Variants in CANX observed in about 807,000 individuals in gnomAD.
CANX encodes calnexin.
A neutral mutation model predicts 75.7 loss-of-function variants in CANX; 14 were observed. That is an observed-to-expected ratio of 0.19 (90% CI 0.12 to 0.29). The LOEUF (loss-of-function observed/expected upper bound fraction) is 0.29. CANX is among the 10% of genes least tolerant of loss of function. CANX has a pLI of 1.00. For missense variants in CANX, 567 were observed against 713.2 expected, an observed-to-expected ratio of 0.79 and a Z score of 2.34; for synonymous variants, 227 against 236.9, an observed-to-expected ratio of 0.96 and a Z score of 0.38.
At chr5:179,723,363 A>T (rs909573923) in intron 11 of CANX, 2 of 424,662 alleles carry the variant, frequency 4.7e-6, no homozygotes, top group Non-Finnish European at 8.3e-6. Context: ...CCGATTTAAG[A>T]ATTGGAGAGC....
chr5:179,711,735 G>A (rs1777569283), intron 7 of CANX, among the ~76,000 whole-genome samples: 1 of 145,788 alleles, frequency 6.9e-6, no homozygotes, highest in African/African-American at 2.6e-5. Context: ...GTTGCAGTGA[G>A]CCAGATTGTG....
intron 7 of CANX, among the ~76,000 whole-genome samples, chr5:179,714,397 TACAC>T (rs1409173297): frequency 6.6e-6 from 1 of 152,250 alleles, no homozygotes; most frequent in Non-Finnish European, 1.5e-5. Flanking sequence ...AATAAAAACA[TACAC>T]AAAGAAGTCA....
intron 6 of CANX, 195 bp from the exon 7 acceptor site, chr5:179,709,678 A>G (rs2113162628): frequency 4.4e-6 from 2 of 455,426 alleles, no homozygotes; most frequent in Non-Finnish European, 7.7e-6. Flanking sequence ...TTTTTTAGAC[A>G]CTTAAACGTT....
chr5:179,700,283 C>T (rs1319823399), intron 1 of CANX: 1 of 152,076 alleles, frequency 6.6e-6, no homozygotes, highest in Non-Finnish European at 1.5e-5. Context: ...GTCTTTTTAC[C>T]TCTGATTTAG....
chr5:179,697,424 T>C (rs143879974), upstream of CANX, among the ~76,000 whole-genome samples: 171 of 152,304 alleles, frequency 1.1e-3, 2 homozygotes, highest in African/African-American at 3.9e-3. Flanking sequence ...CAGAATCCCA[T>C]TGAATTCTCC....
intron 7 of CANX, among the ~76,000 whole-genome samples, chr5:179,710,608 T>TGAGGCAGGAGAATGGCACGAACCCGG (rs1777479909): frequency 6.8e-6 from 1 of 146,454 alleles, no homozygotes; most frequent in Non-Finnish European, 1.5e-5. Flanking sequence ...CTTGGGAGGC[T>TGAGGCAGGAGAATGGCACGAACCCGG]GAGGCAGGAG....
At chr5:179,701,848 T>C (rs1490543972) in intron 1 of CANX, among the ~76,000 whole-genome samples, 1 of 136,618 alleles carries the variant, frequency 7.3e-6, no homozygotes, top group Non-Finnish European at 1.6e-5. Flanking sequence ...CAAGCAATTC[T>C]CCTGCCTCAG....
intron 13 of CANX, among the ~76,000 whole-genome samples, chr5:179,725,680 C>CAAA (rs765657918): frequency 1.4e-4 from 6 of 42,332 alleles, no homozygotes; most frequent in Non-Finnish European, 1.8e-4. Flanking sequence ...GACTCTGTCT[C>CAAA]AAAAAAAAAA....
upstream of CANX, chr5:179,694,121 G>A (rs1446703365): frequency 6.1e-6 from 1 of 163,884 alleles, no homozygotes; most frequent in African/African-American, 3.0e-5. Flanking sequence ...TCCAGCCTGG[G>A]CAACAAGAGA....
intron 1 of CANX, among the ~76,000 whole-genome samples, chr5:179,684,919 ATTTTGTAT>A (rs1776158534): frequency 2.1e-5 from 2 of 95,232 alleles, no homozygotes; most frequent in African/African-American, 8.6e-5. Context: ...CACCTGGCTA[ATTTTGTAT>A]TTTTTTTTTT....
chr5:179,692,890 T>C (rs1045850920), intron 1 of CANX, among the ~76,000 whole-genome samples: 1 of 152,114 alleles, frequency 6.6e-6, no homozygotes, highest in South Asian at 2.1e-4. Flanking sequence ...CTCACGCCTG[T>C]AATCCCAGCA....
At chr5:179,689,718 T>A (rs1241222565) in intron 1 of CANX, among the ~76,000 whole-genome samples, 1 of 152,094 alleles carries the variant, frequency 6.6e-6, no homozygotes, top group Non-Finnish European at 1.5e-5. Context: ...CTTTTTTAAG[T>A]TCTTGCCTAC....
intron 7 of CANX, among the ~76,000 whole-genome samples, chr5:179,715,083 T>G (rs1470654658): frequency 2.0e-5 from 3 of 152,222 alleles, no homozygotes; most frequent in Admixed American, 2.0e-4. Flanking sequence ...CAAAAGAGTG[T>G]GAAGTTCTTC....
chr5:179,685,073 C>T (rs551774432), intron 1 of CANX, among the ~76,000 whole-genome samples: 96 of 151,352 alleles, frequency 6.3e-4, no homozygotes, highest in African/African-American at 2.2e-3. Flanking sequence ...CCACTGTGCC[C>T]GGCCTTAATA....
At chr5:179,726,905 TA>T (rs758085265) in intron 14 of CANX, 146 bp downstream of exon 14, 13 of 609,150 alleles carry the variant, frequency 2.1e-5, no homozygotes, top group Non-Finnish European at 3.6e-5. Context: ...TTCTTTGTGA[TA>T]CAGGTCAGTG....
exon 1 of CANX, chr5:179,678,685 G>GA (rs1384877214): frequency 5.2e-6 from 8 of 1,536,134 alleles, no homozygotes; most frequent in Non-Finnish European, 7.0e-6. Flanking sequence ...CAGCCGTCGG[G>GA]ATCACCTCGG....
At chr5:179,692,401 G>GC (rs1222456327) in intron 1 of CANX, among the ~76,000 whole-genome samples, 1 of 151,996 alleles carries the variant, frequency 6.6e-6, no homozygotes, top group Non-Finnish European at 1.5e-5. Context: ...ACCAAAAAGA[G>GC]CCCCCGGTTT....
intron 8 of CANX, among the ~76,000 whole-genome samples, chr5:179,716,831 A>T (rs1181736792): frequency 2.6e-5 from 4 of 152,162 alleles, no homozygotes; most frequent in Non-Finnish European, 5.9e-5. Flanking sequence ...CACCAGGTGT[A>T]CCTAAACTAG....
intron 4 of CANX, among the ~76,000 whole-genome samples, chr5:179,707,633 G>T (rs1236022204): frequency 7.1e-6 from 1 of 139,962 alleles, no homozygotes; most frequent in African/African-American, 2.6e-5. Context: ...TGCCACCTTT[G>T]TGTGTTGCCT....
Sources: allele counts gnomAD v4.1 joint callset (sites outside exome capture counted in the v4.1 genomes callset), GRCh38; gene constraint gnomAD v4.1.1; transcripts MANE v1.5; gene names NCBI Gene and HGNC (gene_info 2026-07-23, HGNC 2026-07-21).